Variants in CTTN observed in about 807,000 individuals in gnomAD.
CTTN encodes the protein src substrate cortactin.
CTTN carries 28 observed loss-of-function variants against 84.0 expected under a neutral mutation model. The ratio of observed to expected loss-of-function variants is 0.33; its 90% confidence interval spans 0.25 to 0.46. The LOEUF (loss-of-function observed/expected upper bound fraction) is 0.46. Among genes scored for constraint, CTTN ranks in the 20% least tolerant of loss-of-function variants. The pLI is 1.00. For synonymous variants in CTTN, 301 were observed against 288.8 expected (o/e 1.04, Z -0.43); for missense variants, 641 against 723.8 (o/e 0.89, Z 1.31).
At chr11:70,409,054 C>G (rs2058073249) in intron 4 of CTTN, among the ~76,000 whole-genome samples, 1 of 152,132 alleles carries the variant, frequency 6.6e-6, no homozygotes, top group African/African-American at 2.4e-5. Flanking sequence ...GCTCTGGGGC[C>G]TTCCCAGGTT....
At chr11:70,425,300 G>C in intron 12 of CTTN, 32 bp from the exon 13 acceptor site, 2 of 1,579,228 alleles carry the variant, frequency 1.3e-6, no homozygotes, top group South Asian at 2.3e-5. Flanking sequence ...AGAGAAAAGT[G>C]CTCTCCTGAC....
At chr11:70,434,226 A>T (rs1223579858) in intron 17 of CTTN, among the ~76,000 whole-genome samples, 4 of 152,226 alleles carry the variant, frequency 2.6e-5, no homozygotes, top group African/African-American at 9.6e-5. Context: ...GTGTTCCCTC[A>T]GGGCCAGGCT....
At chr11:70,420,333 CAT>C in intron 9 of CTTN, 65 bp from the exon 10 acceptor site, 2 of 1,029,858 alleles carry the variant, frequency 1.9e-6, no homozygotes, top group Non-Finnish European at 1.5e-6. Flanking sequence ...GTATTGAAAA[CAT>C]ACTTTCCACC....
chr11:70,406,470 T>C (rs1160740186), intron 2 of CTTN, among the ~76,000 whole-genome samples: 1 of 152,040 alleles, frequency 6.6e-6, no homozygotes, highest in Non-Finnish European at 1.5e-5. Flanking sequence ...CTATGTGTAA[T>C]TGTATTACTA....
chr11:70,411,118 A>AT lies in CTTN; in HGVS notation c.291+1158_291+1159insT, dbSNP rs2058091705. Among the ~76,000 whole-genome samples the AT allele has an allele frequency of 2.0e-5, 3 of 152,236 alleles. No homozygotes were observed. In the South Asian group the frequency reaches 6.2e-4, roughly 32 times the overall value. The stretch of plus-strand genomic sequence containing the variant: ...ATCATCATCTTTGGAGTCTAAAAAA[A>AT]GTCTGGTAGCTTTTAGGAGTGTAAA... On this transcript the variant is annotated intron_variant, in intron 5 of 17. Transcript: ENST00000301843.
chr11:70,432,108 G>A (rs895918051), intron 15 of CTTN, among the ~76,000 whole-genome samples: 4 of 152,180 alleles, frequency 2.6e-5, no homozygotes, highest in Admixed American at 6.6e-5. Flanking sequence ...CTCGATGGCC[G>A]TGGCCTTGTC....
chr11:70,433,607 G>T, intron 16 of CTTN, 40 bp from the exon 17 acceptor site: 1 of 1,433,962 alleles, frequency 7.0e-7, no homozygotes, highest in Non-Finnish European at 9.8e-7. Flanking sequence ...AACCTGTGTG[G>T]GACTTTGTAT....
intron 5 of CTTN, among the ~76,000 whole-genome samples, chr11:70,411,705 G>A (rs936572948): frequency 6.6e-6 from 1 of 152,076 alleles, no homozygotes; most frequent in African/African-American, 2.4e-5. Context: ...TTTTCAGCGC[G>A]AATCTCGCTC....
At chr11:70,409,145 C>T (rs972285501) in intron 4 of CTTN, among the ~76,000 whole-genome samples, 1 of 152,056 alleles carries the variant, frequency 6.6e-6, no homozygotes, top group Non-Finnish European at 1.5e-5. Context: ...ATCTTCAATT[C>T]TAGGATTGTC....
intron 5 of CTTN, among the ~76,000 whole-genome samples, chr11:70,413,826 C>A (rs2058123632): frequency 6.6e-6 from 1 of 152,214 alleles, no homozygotes; most frequent in Admixed American, 6.5e-5. Context: ...TGCTGGCAGA[C>A]TATTTTTTGT....
intron 10 of CTTN, among the ~76,000 whole-genome samples, chr11:70,420,932 T>C (rs2058229409): frequency 6.6e-6 from 1 of 152,196 alleles, no homozygotes; most frequent in Non-Finnish European, 1.5e-5. Flanking sequence ...CCAGGCTTCT[T>C]GTCTATAAAG....
intron 17 of CTTN, among the ~76,000 whole-genome samples, chr11:70,434,544 G>T (rs1345824041): frequency 6.6e-6 from 1 of 152,278 alleles, no homozygotes; most frequent in Non-Finnish European, 1.5e-5. Flanking sequence ...ACACGCATGT[G>T]GGTGTGTCTG....
At chr11:70,401,285 A>G (rs970188079) in intron 1 of CTTN, among the ~76,000 whole-genome samples, 4 of 151,432 alleles carry the variant, frequency 2.6e-5, no homozygotes, top group African/African-American at 9.8e-5. Context: ...CCTGGCTAAC[A>G]CAGTGAAACA....
At chr11:70,418,522 TGA>T (rs1053093977) in intron 8 of CTTN, among the ~76,000 whole-genome samples, 2 of 152,366 alleles carry the variant, frequency 1.3e-5, no homozygotes, top group South Asian at 2.1e-4. Context: ...AGTGGGTCCA[TGA>T]GAGAGTCATG....
intron 1 of CTTN, among the ~76,000 whole-genome samples, chr11:70,401,468 T>A (rs899033056): frequency 6.6e-6 from 1 of 151,348 alleles, no homozygotes; most frequent in Non-Finnish European, 1.5e-5. Context: ...AGACTGAGAC[T>A]CCATCTCAAA....
At chr11:70,410,264 T>C (rs925521453) in intron 5 of CTTN, 11 of 290,076 alleles carry the variant, frequency 3.8e-5, no homozygotes, top group Non-Finnish European at 6.6e-5. Context: ...GCATCCTGGC[T>C]CTAGGTGTCA....
At chr11:70,425,100 T>A (rs2058286274) in intron 12 of CTTN, among the ~76,000 whole-genome samples, 1 of 152,140 alleles carries the variant, frequency 6.6e-6, no homozygotes, top group African/African-American at 2.4e-5. Flanking sequence ...CAGATGGAGA[T>A]ACATGCATTT....
intron 1 of CTTN, among the ~76,000 whole-genome samples, chr11:70,401,102 G>C (rs1235988650): frequency 2.6e-5 from 4 of 152,140 alleles, no homozygotes; most frequent in African/African-American, 9.7e-5. Flanking sequence ...GGGAGGCTAA[G>C]GGCAGGTGGA....
chr11:70,402,995 C>T (rs1022181505), intron 1 of CTTN, among the ~76,000 whole-genome samples: 1 of 152,086 alleles, frequency 6.6e-6, no homozygotes, highest in Non-Finnish European at 1.5e-5. Context: ...TTATTTTAGT[C>T]ATCCTAGTGG....
Sources: allele counts gnomAD v4.1 joint callset (sites outside exome capture counted in the v4.1 genomes callset), GRCh38; gene constraint gnomAD v4.1.1; transcripts MANE v1.5; gene names NCBI Gene and HGNC (gene_info 2026-07-23, HGNC 2026-07-21).